Variants in CNTN5 observed in about 807,000 individuals in gnomAD.
CNTN5 encodes the protein contactin 5.
CNTN5 carries 77 observed loss-of-function variants against 129.1 expected under a neutral mutation model. The ratio of observed to expected loss-of-function variants is 0.60; its 90% CI spans 0.50 to 0.72. CNTN5 has a LOEUF of 0.72. CNTN5 is among the 30% of genes least tolerant of loss of function. The probability of loss-of-function intolerance (pLI) is 0.00; values close to 1 mark genes in which losing one functional copy is unlikely to be tolerated. For missense variants in CNTN5, 1,478 were observed against 1,328.8 expected (o/e 1.11, Z -1.75); for synonymous variants, 509 against 465.6 (o/e 1.09, Z -1.20).
At chr11:99,846,649 T>A (rs1947708762) in intron 6 of CNTN5, among the ~76,000 whole-genome samples, 1 of 152,080 alleles carries the variant, frequency 6.6e-6, no homozygotes, top group South Asian at 2.1e-4. Flanking sequence ...AAATTAAAGT[T>A]ACACCTGGAA....
intron 2 of CNTN5, among the ~76,000 whole-genome samples, chr11:99,370,183 T>A (rs541894039): frequency 6.6e-6 from 1 of 152,310 alleles, no homozygotes; most frequent in East Asian, 1.9e-4. Context: ...TCAGGAAAGC[T>A]TAGCTCTGTC....
At chr11:99,778,513 G>A (rs1182160899) in intron 3 of CNTN5, among the ~76,000 whole-genome samples, 1 of 151,532 alleles carries the variant, frequency 6.6e-6, no homozygotes, top group African/African-American at 2.4e-5. Flanking sequence ...GTGGGGAATT[G>A]GTTCTTATTC....
chr11:99,375,699 C>A (rs1015298237), intron 2 of CNTN5, among the ~76,000 whole-genome samples: 2 of 152,022 alleles, frequency 1.3e-5, no homozygotes, highest in African/African-American at 4.8e-5. Flanking sequence ...TCTGAGAAAC[C>A]CTGTTTTCTC....
At chr11:99,754,339 G>T (rs1162802721) in intron 3 of CNTN5, among the ~76,000 whole-genome samples, 1 of 152,120 alleles carries the variant, frequency 6.6e-6, no homozygotes, top group South Asian at 2.1e-4. Flanking sequence ...CCACCATTTA[G>T]CTCACATACT....
chr11:100,299,285 C>G lies in CNTN5; in HGVS notation c.2509C>G (p.Arg837Gly), dbSNP rs768551655. ...TSSEASKFIY[R>G]DESVPPLTPF... Reference sequence around the variant, plus strand: ...CTCTGAAGCTTCCAAATTCATTTATCGAGATGAAAGTGTCCCTCCTCTTAC... The same window carrying G: ...CTCTGAAGCTTCCAAATTCATTTATGGAGATGAAAGTGTCCCTCCTCTTAC... Residue 837 changes from arginine (R) to glycine (G), a missense_variant, in exon 20 of 25, where the codon CGA becomes GGA. By Grantham distance (125) the Arg-to-Gly change is moderately radical (BLOSUM62 -2). Coordinates refer to ENST00000524871, the MANE Select transcript of CNTN5 (RefSeq NM_014361.4). The G allele has an allele frequency of 2.5e-6, 4 of 1,610,554 alleles. No individual in the cohort carries two copies. In the South Asian group the frequency reaches 4.4e-5, roughly 18 times the overall value.
At chr11:99,822,463 G>A (rs141906404) in intron 4 of CNTN5, among the ~76,000 whole-genome samples, 1 of 152,160 alleles carries the variant, frequency 6.6e-6, no homozygotes, top group East Asian at 1.9e-4. Flanking sequence ...GAGTGAACAT[G>A]GTAAGTTATG....
rs547555557 is a variant in CNTN5, at chr11:99,544,826, C to A, written c.-70-11319C>A. Reference sequence around the variant, plus strand: ...TACTTTCCTTACTAGTTCCTATCTACTTGATCACAATGCTTCTCAGTCATT... The same window carrying A: ...TACTTTCCTTACTAGTTCCTATCTAATTGATCACAATGCTTCTCAGTCATT... On this transcript the variant is annotated intron_variant, in intron 2 of 24. Transcript: ENST00000524871. Among the ~76,000 whole-genome samples, 5 of 152,278 alleles carry A rather than the reference C, an allele frequency of 3.3e-5. No homozygotes were observed. The South Asian group carries it at 8.3e-4, about 25-fold the overall frequency.
At chr11:99,066,950 C>A (rs1406532311) in intron 1 of CNTN5, among the ~76,000 whole-genome samples, 1 of 152,126 alleles carries the variant, frequency 6.6e-6, no homozygotes, top group Non-Finnish European at 1.5e-5. Context: ...AATCCAGGGG[C>A]TTTCATCCAA....
intron 13 of CNTN5, among the ~76,000 whole-genome samples, chr11:100,148,122 C>CT (rs1946916117): frequency 6.6e-6 from 1 of 152,036 alleles, no homozygotes; most frequent in South Asian, 2.1e-4. Flanking sequence ...AGACCTTATC[C>CT]ATATACTCAT....
At chr11:100,196,028 G>T (rs1948630009) in intron 15 of CNTN5, among the ~76,000 whole-genome samples, 1 of 151,954 alleles carries the variant, frequency 6.6e-6, no homozygotes, top group Non-Finnish European at 1.5e-5. Context: ...GGATGGGGCT[G>T]AGAAGAGAGC....
At chr11:99,476,940 G>A (rs919041255) in intron 2 of CNTN5, among the ~76,000 whole-genome samples, 2 of 151,802 alleles carry the variant, frequency 1.3e-5, no homozygotes, top group African/African-American at 4.8e-5. Context: ...ATATATAGAT[G>A]CCACCCTATG....
intron 23 of CNTN5, among the ~76,000 whole-genome samples, chr11:100,344,067 T>C (rs931803758): frequency 1.3e-5 from 2 of 152,016 alleles, no homozygotes; most frequent in African/African-American, 4.8e-5. Flanking sequence ...TTAATTGGAA[T>C]ATTAAAAAGG....
chr11:99,903,222 A>C (rs1949404987), intron 6 of CNTN5, among the ~76,000 whole-genome samples: 1 of 151,980 alleles, frequency 6.6e-6, no homozygotes, highest in South Asian at 2.1e-4. Context: ...TGGCAGAGCA[A>C]AACACTCAAG....
intron 3 of CNTN5, among the ~76,000 whole-genome samples, chr11:99,814,917 G>C (rs982476938): frequency 6.6e-6 from 1 of 152,128 alleles, no homozygotes; most frequent in Non-Finnish European, 1.5e-5. Flanking sequence ...AGGCAAAGGG[G>C]AGGCAGGCAC....
intron 2 of CNTN5, among the ~76,000 whole-genome samples, chr11:99,535,501 T>C (rs1316001290): frequency 6.6e-6 from 1 of 152,188 alleles, no homozygotes; most frequent in African/African-American, 2.4e-5. Context: ...CAAAATCTAC[T>C]TGGATCCCAT....
intron 9 of CNTN5, among the ~76,000 whole-genome samples, chr11:100,058,769 C>T (rs1943343467): frequency 6.6e-6 from 1 of 152,050 alleles, no homozygotes; most frequent in South Asian, 2.1e-4. Flanking sequence ...AATAGGAAAA[C>T]ATCTTACACT....
At chr11:99,741,373 A>G (rs1002948840) in intron 3 of CNTN5, among the ~76,000 whole-genome samples, 1 of 152,122 alleles carries the variant, frequency 6.6e-6, no homozygotes, top group Admixed American at 6.5e-5. Context: ...GAGATTCAGT[A>G]TGTTACTAAC....
intron 3 of CNTN5, among the ~76,000 whole-genome samples, chr11:99,779,791 C>A (rs17134420): frequency 0.012 from 1,806 of 152,058 alleles, 39 homozygotes; most frequent in African/African-American, 0.041. Context: ...AACAACAAAT[C>A]CCTTGCATAT....
At chr11:100,191,960 T>C (rs966518496) in intron 14 of CNTN5, among the ~76,000 whole-genome samples, 2 of 151,956 alleles carry the variant, frequency 1.3e-5, no homozygotes, top group Non-Finnish European at 2.9e-5. Flanking sequence ...ATGTATCATA[T>C]GGCAAACCAT....
Sources: allele counts gnomAD v4.1 joint callset (sites outside exome capture counted in the v4.1 genomes callset), GRCh38; gene constraint gnomAD v4.1.1; transcripts MANE v1.5; gene names NCBI Gene and HGNC (gene_info 2026-07-23, HGNC 2026-07-21).